The following FRMPD2 variants were observed in gnomAD, a reference collection of about 807,000 sequenced individuals.
FRMPD2 encodes the protein FERM and PDZ domain-containing protein 2.
In FRMPD2, 96 loss-of-function variants were observed where a neutral mutation model predicts 140.1. The ratio of observed to expected loss-of-function variants is 0.69; its 90% CI spans 0.58 to 0.81. The LOEUF (loss-of-function observed/expected upper bound fraction) is 0.81. Ranked by LOEUF, FRMPD2 falls within the 40% of genes least tolerant of loss-of-function variation. The pLI, the probability that FRMPD2 is intolerant of heterozygous loss-of-function variation, is 0.00. For synonymous variants in FRMPD2, 449 were observed against 547.6 expected (o/e 0.82, Z 2.52); for missense variants, 1,240 against 1,447.4 (o/e 0.86, Z 2.32).
intron 1 of FRMPD2, among the ~76,000 whole-genome samples, chr10:48,253,194 C>A (rs1840426384): frequency 6.6e-6 from 1 of 152,094 alleles, no homozygotes; most frequent in Non-Finnish European, 1.5e-5. Flanking sequence ...TATTTCAGTA[C>A]AATAATTCAA....
intron 10 of FRMPD2, among the ~76,000 whole-genome samples, chr10:48,225,889 G>C (rs1057445121): frequency 6.6e-6 from 1 of 152,172 alleles, no homozygotes; most frequent in Admixed American, 6.5e-5. Flanking sequence ...CTTGATTCGA[G>C]ATCTGGTTTT....
At chr10:48,204,829 T>C (rs1160843488) in intron 14 of FRMPD2, among the ~76,000 whole-genome samples, 2 of 152,232 alleles carry the variant, frequency 1.3e-5, no homozygotes, top group Non-Finnish European at 1.5e-5. Flanking sequence ...CTGATAACTA[T>C]GGACAGTTAC....
chr10:48,159,101 T>C lies in FRMPD2; in HGVS notation c.3882-1731A>G, dbSNP rs1837865869. ...AACTCACAACAAAGTTTGGGGTTTG[T>C]GTCCCTTCATGTCTCCAGTTCTCCA... On this transcript the variant is annotated intron_variant, in intron 28 of 28. Coordinates refer to ENST00000374201, the MANE Select transcript of FRMPD2 (RefSeq NM_001018071.4). 6.6e-6 allele frequency: 3 copies of C among 452,952 alleles called. No individual in the cohort carries two copies. The Admixed American group carries it at 7.2e-5, about 11-fold the overall frequency. The allele number at this position is 452,952 out of a possible 1,614,324, so 28.1% of individuals were successfully genotyped here.
In FRMPD2 at chr10:48,248,280, G is replaced by T. The variant is rs147930262; in HGVS notation, c.309+741C>A. 5.4e-3 allele frequency among the ~76,000 whole-genome samples: 829 copies of T among 152,256 alleles called. 9 individuals are homozygous for T. Among genetic ancestry groups the T allele is most frequent in the African/African-American group, 0.019 (805 of 41,556 alleles). ...TAAAATTCTCTTTGAAATTAAAAAT[G>T]ATGTTTACTGGAAACTTCTGCTGTT... On this transcript the variant is annotated intron_variant, in intron 3 of 28. Transcript: ENST00000374201.
chr10:48,252,539 C>G (rs1038239020), intron 1 of FRMPD2, among the ~76,000 whole-genome samples: 2 of 152,198 alleles, frequency 1.3e-5, no homozygotes, highest in South Asian at 4.1e-4. Context: ...GCACCCCCAT[C>G]CCCCATTGAC....
At chr10:48,203,781 T>G (rs1452435962) in intron 14 of FRMPD2, among the ~76,000 whole-genome samples, 2 of 152,148 alleles carry the variant, frequency 1.3e-5, no homozygotes, top group African/African-American at 4.8e-5. Context: ...TGGCAATGCA[T>G]TCACATGGTC....
chr10:48,263,295 A>T (rs1225257027), intron 1 of FRMPD2, among the ~76,000 whole-genome samples: 1 of 152,104 alleles, frequency 6.6e-6, no homozygotes, highest in African/African-American at 2.4e-5. Context: ...GAATAAAAGA[A>T]AGCAAATAAT....
chr10:48,207,920 TTGA>T (rs1839238627), intron 13 of FRMPD2, among the ~76,000 whole-genome samples: 2 of 152,202 alleles, frequency 1.3e-5, no homozygotes, highest in African/African-American at 2.4e-5. Flanking sequence ...CCATTCACCG[TTGA>T]TGAAGTCCAT....
rs151201043 is a variant in FRMPD2, at chr10:48,191,634, A to G, written c.2165+1050T>C. Among the ~76,000 whole-genome samples the G allele has an allele frequency of 9.9e-3, 1,504 of 152,308 alleles. 14 individuals carry two copies. Among genetic ancestry groups the G allele is most frequent in the Middle Eastern group, 0.031 (9 of 294 alleles). On this transcript the variant is annotated intron_variant, in intron 16 of 28. Coordinates refer to ENST00000374201, the MANE Select transcript of FRMPD2 (RefSeq NM_001018071.4). ...ATACACACATAGACTTTCAGTTCAA[A>G]TGAATCATCCATACCCTCTTGCTGA...
Position 48,222,370 on chromosome 10 carries a change from T to C in FRMPD2, c.1398A>G (p.Ile466Met). Residue 466 changes from isoleucine to methionine, a missense_variant, in exon 12 of 29, where the codon ATA becomes ATG. This residue lies in a region of FRMPD2 where 1,161 missense variants were observed against 1,055.9 expected (regional missense o/e 1.10). Transcript: ENST00000374201. ...AGGCAAGGACCCCCAGCTGCAGCAG[T>C]ATCTCTTCATTGCAGTACAGCCTCT... ...LEERLYCNEE[I>M]LLQLGVLALQ... 6.2e-7 allele frequency: 1 copy of C among 1,614,178 alleles called. No homozygotes were observed. The highest frequency in any genetic ancestry group is 8.5e-7 in the Non-Finnish European group (1 of 1,180,014).
chr10:48,192,893 G>T lies in FRMPD2; in HGVS notation c.1956C>A (p.Asp652Glu). 2 of 1,611,826 alleles carry T rather than the reference G, an allele frequency of 1.2e-6. No homozygotes were observed. Among genetic ancestry groups the T allele is most frequent in the Non-Finnish European group, 1.7e-6 (2 of 1,178,844 alleles). The change falls in exon 16 of 29, where the codon GAC becomes GAA. Residue 652 changes from aspartate (D) to glutamate (E), a missense_variant and splice_region_variant. Around this residue, in one of 6 missense-constraint regions of FRMPD2, gnomAD observed 1,161 missense variants for 1,055.9 expected, o/e 1.10. Coordinates refer to ENST00000374201, the MANE Select transcript of FRMPD2 (RefSeq NM_001018071.4). ...GSGQPSHVLF[D>E]HDKFVQMANL... ...TGGCCATTTGCACAAACTTATCATG[G>T]TCTGAATTTGGGGAGAAAAACATAG...
intron 27 of FRMPD2, among the ~76,000 whole-genome samples, chr10:48,167,973 T>G (rs1838143616): frequency 6.7e-6 from 1 of 148,474 alleles, no homozygotes; most frequent in Non-Finnish European, 1.5e-5. Context: ...TGGCCTCCCC[T>G]GTAGAATTGG....
chr10:48,212,085 G>T lies in FRMPD2; in HGVS notation c.1480C>A (p.His494Asn), dbSNP rs1839338600. The change falls in exon 13 of 29, where the codon CAC (histidine) becomes AAC (asparagine). Residue 494 changes from histidine to asparagine, a missense_variant. Transcript: ENST00000374201. ...CTCGCTGGGATGTAATCTTCAACGTGAAAGTATGGCTTACTCTCCACCTGC... is the reference window on the plus strand; with the variant it reads ...CTCGCTGGGATGTAATCTTCAACGTTAAAGTATGGCTTACTCTCCACCTGC... ...KEQVESKPYFHVEDYIPASLI... is the reference protein window; with the variant it reads ...KEQVESKPYFNVEDYIPASLI... 14 of 1,613,952 alleles carry T rather than the reference G, an allele frequency of 8.7e-6. No individual in the cohort carries two copies. The highest frequency in any genetic ancestry group is 1.1e-5 in the Non-Finnish European group (13 of 1,179,992).
intron 17 of FRMPD2, among the ~76,000 whole-genome samples, chr10:48,186,584 T>G (rs1838693607): frequency 6.6e-6 from 1 of 152,224 alleles, no homozygotes; most frequent in Non-Finnish European, 1.5e-5. Flanking sequence ...ATGTAAGAAG[T>G]GCCTTTCACC....
chr10:48,197,639 T>C (rs1838983414), intron 15 of FRMPD2, among the ~76,000 whole-genome samples: 1 of 152,164 alleles, frequency 6.6e-6, no homozygotes, highest in African/African-American at 2.4e-5. Flanking sequence ...ATGCTGCAGC[T>C]CCAGGAACCA....
chr10:48,248,391 G>A (rs1472484227), intron 3 of FRMPD2, among the ~76,000 whole-genome samples: 4 of 152,170 alleles, frequency 2.6e-5, no homozygotes, highest in Non-Finnish European at 5.9e-5. Context: ...ACACTTTGGT[G>A]TATGTATTTT....
intron 1 of FRMPD2, among the ~76,000 whole-genome samples, chr10:48,271,748 A>G (rs1296726712): frequency 1.3e-5 from 2 of 152,268 alleles, no homozygotes; most frequent in African/African-American, 4.8e-5. Flanking sequence ...GCAGCTAAAA[A>G]CACTGATATC....
At chr10:48,236,599 G>GACCCAAA in intron 8 of FRMPD2, 46 bp from the exon 9 acceptor site, 1 of 1,581,188 alleles carries the variant, frequency 6.3e-7, no homozygotes, top group Non-Finnish European at 8.7e-7. Flanking sequence ...ACAGATTCCA[G>GACCCAAA]GCTTTGGGTC....
intron 15 of FRMPD2, among the ~76,000 whole-genome samples, chr10:48,193,599 TA>T (rs1838889749): frequency 2.0e-5 from 3 of 152,240 alleles, no homozygotes; most frequent in African/African-American, 7.2e-5. Flanking sequence ...ATAGAGCTTT[TA>T]AGTTAATGAG....
Sources: allele counts gnomAD v4.1 joint callset (sites outside exome capture counted in the v4.1 genomes callset), GRCh38; gene constraint gnomAD v4.1.1; regional missense constraint gnomAD v4.1.1; transcripts MANE v1.5; gene names NCBI Gene and HGNC (gene_info 2026-07-23, HGNC 2026-07-21).